CD200R1L: variants seen among roughly 807,000 people sequenced by gnomAD.
CD200R1L encodes the protein cell surface glycoprotein CD200 receptor 2.
A neutral mutation model predicts 24.8 loss-of-function variants in CD200R1L; 14 were observed. That is an observed-to-expected ratio of 0.56 (90% CI 0.37 to 0.88). CD200R1L has a LOEUF of 0.88. Ranked by LOEUF, CD200R1L falls within the 40% of genes least tolerant of loss-of-function variation. The pLI is 0.00. For missense variants in CD200R1L, 299 were observed against 297.8 expected, an observed-to-expected ratio of 1.00 and a Z score of -0.03; for synonymous variants, 111 against 109.2, an observed-to-expected ratio of 1.02 and a Z score of -0.11.
intron 3 of CD200R1L, among the ~76,000 whole-genome samples, chr3:112,832,595 C>T (rs1157638582): frequency 6.6e-6 from 1 of 152,104 alleles, no homozygotes; most frequent in Non-Finnish European, 1.5e-5. Flanking sequence ...ACTTAATTTA[C>T]CAGTTAGATC....
Position 112,827,552 on chromosome 3 carries a change from T to C in CD200R1L, c.182A>G (p.Lys61Arg), listed in dbSNP as rs796140817. 3 of 1,614,164 alleles carry C rather than the reference T, an allele frequency of 1.9e-6. No individual in the cohort carries two copies. The highest frequency in any genetic ancestry group is 1.1e-5 in the South Asian group (1 of 91,084). ...TTCCTTGGTCTCATTTGTTTCTTTC[T>C]TGTAGGCTTTTGTGCAGGAAGGCTG... is the stretch of plus-strand genomic sequence containing the variant. Reference protein sequence around the residue: ...RGQPSCTKAYKKETNETKETN... With the variant: ...RGQPSCTKAYRKETNETKETN... The change falls in exon 5 of 8, where the codon AAG (lysine) becomes AGG (arginine). Residue 61 changes from lysine to arginine, a missense_variant. Lys to Arg is a conservative substitution (Grantham distance 26). Coordinates refer to ENST00000488794, the MANE Select transcript of CD200R1L (RefSeq NM_001199215.3).
chr3:112,831,996 T>C (rs1316737584), intron 3 of CD200R1L, among the ~76,000 whole-genome samples: 1 of 152,184 alleles, frequency 6.6e-6, no homozygotes, highest in African/African-American at 2.4e-5. Flanking sequence ...TTATCATTAT[T>C]ATTATTATTG....
At chr3:112,826,821 GGC>G (rs1196309566) in intron 6 of CD200R1L, among the ~76,000 whole-genome samples, 170 bp downstream of exon 6, 1 of 152,106 alleles carries the variant, frequency 6.6e-6, no homozygotes, top group East Asian at 1.9e-4. Flanking sequence ...CTATTTTTAT[GGC>G]TGTTCTACTA....
chr3:112,816,195 T>A (rs1243289540), intron 7 of CD200R1L, among the ~76,000 whole-genome samples: 1 of 152,224 alleles, frequency 6.6e-6, no homozygotes, highest in Non-Finnish European at 1.5e-5. Flanking sequence ...CAATTGCTTA[T>A]ATGCCTGGGA....
At chr3:112,819,651 G>T (rs1170006602) in intron 7 of CD200R1L, 121 bp downstream of exon 7, 3 of 1,015,892 alleles carry the variant, frequency 3.0e-6, no homozygotes, top group Non-Finnish European at 4.1e-6. Flanking sequence ...AGGGGCTGGA[G>T]GGAGAATACA....
In CD200R1L at chr3:112,845,710, T is replaced by C. The variant is rs770356045; in HGVS notation, c.-118A>G. ...CCATGATAATGATGGAAATCAGTAA[T>C]CTTGGAGCTGACATCTTCCCTAAAG... On this transcript the variant is annotated 5_prime_UTR_variant, in exon 2 of 8. Transcript: ENST00000488794. The C allele has an allele frequency of 6.8e-6, 11 of 1,613,354 alleles. No individual in the cohort carries two copies. Among genetic ancestry groups the C allele is most frequent in the African/African-American group, 6.7e-5 (5 of 74,916 alleles).
intron 3 of CD200R1L, among the ~76,000 whole-genome samples, chr3:112,836,509 C>T (rs1938950292): frequency 6.6e-6 from 1 of 152,190 alleles, no homozygotes; most frequent in Non-Finnish European, 1.5e-5. Context: ...CTTTTAAGGG[C>T]CTGGCAACCA....
chr3:112,844,924 C>A (rs1407468359), intron 2 of CD200R1L, among the ~76,000 whole-genome samples: 1 of 151,716 alleles, frequency 6.6e-6, no homozygotes, highest in Non-Finnish European at 1.5e-5. Context: ...AAATCCGTCT[C>A]AAAAATAAAT....
At chr3:112,817,482 AC>A (rs1405617413) in intron 7 of CD200R1L, among the ~76,000 whole-genome samples, 1 of 151,966 alleles carries the variant, frequency 6.6e-6, no homozygotes, top group Non-Finnish European at 1.5e-5. Flanking sequence ...GCCCATAAAC[AC>A]CTCCCACATA....
At chr3:112,827,770 A>G (rs1938703179) in intron 4 of CD200R1L, 86 bp from the exon 5 acceptor site, 1 of 1,271,634 alleles carries the variant, frequency 7.9e-7, no homozygotes, top group African/African-American at 1.5e-5. Context: ...TATTACATGA[A>G]GTTTTATTAG....
chr3:112,846,008 G>C, intron 1 of CD200R1L, 58 bp from the exon 2 acceptor site: 1 of 358,276 alleles, frequency 2.8e-6, no homozygotes, highest in Non-Finnish European at 5.1e-6. Context: ...CCACAACATT[G>C]AAGTAGCAAG....
At chr3:112,834,532 G>A (rs1204359853) in intron 3 of CD200R1L, among the ~76,000 whole-genome samples, 1 of 152,142 alleles carries the variant, frequency 6.6e-6, no homozygotes, top group East Asian at 1.9e-4. Context: ...CCTTTTGTCA[G>A]GGGTAATTTA....
At chr3:112,836,455 C>T (rs1230663202) in intron 3 of CD200R1L, among the ~76,000 whole-genome samples, 1 of 152,178 alleles carries the variant, frequency 6.6e-6, no homozygotes, top group African/African-American at 2.4e-5. Flanking sequence ...CTCTCATAAC[C>T]AGCTTTAATT....
rs184543854 is a variant in CD200R1L, at chr3:112,835,974, G to A, written c.-18+1968C>T. Among the ~76,000 whole-genome samples, 464 of 152,354 alleles carry A rather than the reference G, an allele frequency of 3.0e-3. 4 individuals carry two copies. Among genetic ancestry groups the A allele is most frequent in the African/African-American group, 0.01 (431 of 41,578 alleles). On this transcript the variant is annotated intron_variant, in intron 3 of 7. Transcript: ENST00000488794. ...CCCTCTCTGTGTTTTCCCCACAGCCGCAGTAGGCAAAGAGCAGGTGGCATG... is the reference window on the plus strand; with the variant it reads ...CCCTCTCTGTGTTTTCCCCACAGCCACAGTAGGCAAAGAGCAGGTGGCATG...
At chr3:112,844,022 T>A (rs1939139868) in intron 2 of CD200R1L, among the ~76,000 whole-genome samples, 1 of 152,234 alleles carries the variant, frequency 6.6e-6, no homozygotes, top group African/African-American at 2.4e-5. Context: ...AATATATACA[T>A]GCCTGACATT....
chr3:112,836,949 A>G (rs955597071), intron 3 of CD200R1L, among the ~76,000 whole-genome samples: 12 of 152,220 alleles, frequency 7.9e-5, no homozygotes, highest in Admixed American at 7.8e-4. Flanking sequence ...AAACTAAATG[A>G]CATAAAAATT....
intron 7 of CD200R1L, 66 bp downstream of exon 7, chr3:112,819,706 C>T (rs1938484784): frequency 6.8e-6 from 10 of 1,467,312 alleles, no homozygotes; most frequent in Middle Eastern, 2.0e-4. Flanking sequence ...ATTGTAAACT[C>T]AAAATGTTAC....
intron 7 of CD200R1L, among the ~76,000 whole-genome samples, chr3:112,817,590 C>A (rs1208502412): frequency 1.3e-5 from 2 of 152,162 alleles, no homozygotes; most frequent in Admixed American, 6.5e-5. Context: ...CAGCTTAAAG[C>A]AACACCTCTC....
At chr3:112,841,289 T>C (rs549034136) in intron 2 of CD200R1L, 1 of 452,088 alleles carries the variant, frequency 2.2e-6, no homozygotes, top group East Asian at 7.0e-5. Context: ...CCCCTTCACA[T>C]TTCCACCATG....
Sources: allele counts gnomAD v4.1 joint callset (sites outside exome capture counted in the v4.1 genomes callset), GRCh38; gene constraint gnomAD v4.1.1; transcripts MANE v1.5; gene names NCBI Gene and HGNC (gene_info 2026-07-23, HGNC 2026-07-21).